Variants in PPFIA2 observed in about 807,000 individuals in gnomAD.
PPFIA2 encodes the protein liprin-alpha-2.
Under a neutral mutation model 175.5 loss-of-function variants are expected in PPFIA2, and 46 were observed. The observed-to-expected ratio is 0.26, with a 90% CI of 0.21 to 0.34. The LOEUF is 0.34. PPFIA2 is among the 10% of genes least tolerant of loss of function. The pLI is 1.00. For missense variants in PPFIA2, 1,179 were observed against 1,506.1 expected (o/e 0.78, Z 3.60); for synonymous variants, 568 against 511.4 (o/e 1.11, Z -1.49).
At chr12:81,571,188 A>G (rs908017738) in intron 4 of PPFIA2, among the ~76,000 whole-genome samples, 4 of 152,078 alleles carry the variant, frequency 2.6e-5, no homozygotes, top group Non-Finnish European at 4.4e-5. Flanking sequence ...TCTTGCGTAA[A>G]ATGCTTTAAA....
chr12:81,605,474 A>G (rs11114931), intron 4 of PPFIA2, among the ~76,000 whole-genome samples: 41,686 of 151,680 alleles, frequency 0.27, 6,209 homozygotes, highest in African/African-American at 0.38. Flanking sequence ...GCATGGTAGC[A>G]TTACACGATA....
At chr12:81,314,962 C>T (rs961015743) in intron 22 of PPFIA2, among the ~76,000 whole-genome samples, 5 of 151,336 alleles carry the variant, frequency 3.3e-5, no homozygotes, top group Admixed American at 6.6e-5. Context: ...GGGAGAATTC[C>T]GCACAAAATG....
chr12:81,424,679 C>T (rs909652457), intron 7 of PPFIA2, among the ~76,000 whole-genome samples: 1 of 152,100 alleles, frequency 6.6e-6, no homozygotes, highest in African/African-American at 2.4e-5. Flanking sequence ...GATGTGAGAC[C>T]AAGTTTTCTT....
At chr12:81,729,919 G>A (rs2080638223) in intron 3 of PPFIA2, among the ~76,000 whole-genome samples, 1 of 151,560 alleles carries the variant, frequency 6.6e-6, no homozygotes, top group African/African-American at 2.4e-5. Context: ...ATTGAATTCA[G>A]CCAACAAGTG....
intron 4 of PPFIA2, among the ~76,000 whole-genome samples, chr12:81,615,567 A>C (rs531713912): frequency 9.4e-4 from 143 of 152,310 alleles, no homozygotes; most frequent in East Asian, 7.7e-4. Context: ...AGCAGTGTGA[A>C]CTAAATTGCT....
rs1438902949 is a variant in PPFIA2, at chr12:81,756,883, A to G, written c.-3+1517T>C. Among the ~76,000 whole-genome samples the G allele has an allele frequency of 5.3e-5, 8 of 152,338 alleles. No individual in the cohort carries two copies. In the East Asian group the frequency reaches 1.5e-3, roughly 29 times the overall value. On this transcript the variant is annotated intron_variant, in intron 2 of 32. Transcript: ENST00000549396. ...TTTGAACTCTTCAAATCCAATTTAT[A>G]AAAATCAAATTATGCAAAATTTACT...
At chr12:81,415,281 T>G (rs1304750179) in intron 7 of PPFIA2, among the ~76,000 whole-genome samples, 1 of 110,224 alleles carries the variant, frequency 9.1e-6, no homozygotes, top group South Asian at 3.2e-4. Context: ...TTTTACTACA[T>G]AAAATACTTC....
chr12:81,650,910 G>A (rs1213712034), intron 4 of PPFIA2, among the ~76,000 whole-genome samples: 1 of 152,212 alleles, frequency 6.6e-6, no homozygotes, highest in African/African-American at 2.4e-5. Context: ...TCTCCAGGCA[G>A]AAATAGAACA....
At chr12:81,419,296 A>T (rs2045856918) in intron 7 of PPFIA2, among the ~76,000 whole-genome samples, 1 of 152,102 alleles carries the variant, frequency 6.6e-6, no homozygotes, top group South Asian at 2.1e-4. Flanking sequence ...TAAAGTAATG[A>T]TGTTTGCAAC....
intron 4 of PPFIA2, among the ~76,000 whole-genome samples, chr12:81,620,124 C>T (rs1378634032): frequency 3.8e-5 from 5 of 130,812 alleles, no homozygotes; most frequent in Non-Finnish European, 7.8e-5. Context: ...CGCGCCACTG[C>T]ACTCCAGCCT....
At chr12:81,709,105 T>A (rs1474301179) in intron 3 of PPFIA2, among the ~76,000 whole-genome samples, 2 of 152,142 alleles carry the variant, frequency 1.3e-5, no homozygotes, top group Non-Finnish European at 2.9e-5. Flanking sequence ...CTCTCATCTT[T>A]CTTATTGTTC....
At chr12:81,278,729 G>A (rs2041265744) in intron 27 of PPFIA2, among the ~76,000 whole-genome samples, 1 of 151,860 alleles carries the variant, frequency 6.6e-6, no homozygotes, top group African/African-American at 2.4e-5. Flanking sequence ...AAAATGAGAA[G>A]GTTTAGTGAC....
At chr12:81,372,241 A>G (rs1401789000) in intron 11 of PPFIA2, among the ~76,000 whole-genome samples, 1 of 151,654 alleles carries the variant, frequency 6.6e-6, no homozygotes, top group Admixed American at 6.6e-5. Flanking sequence ...TTTTGAGAAC[A>G]TGAATAACCT....
chr12:81,701,352 T>C (rs2076454080), intron 3 of PPFIA2, among the ~76,000 whole-genome samples: 1 of 152,120 alleles, frequency 6.6e-6, no homozygotes, highest in African/African-American at 2.4e-5. Context: ...GTCAAACTGA[T>C]TCATGCATTT....
intron 8 of PPFIA2, among the ~76,000 whole-genome samples, chr12:81,389,676 A>T (rs1005783301): frequency 6.6e-6 from 1 of 152,064 alleles, no homozygotes; most frequent in Admixed American, 6.6e-5. Context: ...TTAGAAAAAG[A>T]TCTTGTTTTT....
At chr12:81,364,339 C>T (rs2032305864) in intron 14 of PPFIA2, among the ~76,000 whole-genome samples, 1 of 151,690 alleles carries the variant, frequency 6.6e-6, no homozygotes, top group South Asian at 2.1e-4. Flanking sequence ...TTTTACTCTG[C>T]ATGAGATAGG....
intron 5 of PPFIA2, among the ~76,000 whole-genome samples, chr12:81,449,960 G>A (rs926169301): frequency 6.6e-6 from 1 of 151,964 alleles, no homozygotes; most frequent in Non-Finnish European, 1.5e-5. Flanking sequence ...CCCTACAAAG[G>A]ACATGGACTC....
chr12:81,466,318 T>TG (rs2055617969), intron 4 of PPFIA2, among the ~76,000 whole-genome samples: 1 of 152,190 alleles, frequency 6.6e-6, no homozygotes, highest in African/African-American at 2.4e-5. Flanking sequence ...CATGGTGACT[T>TG]GGGGGATGCA....
chr12:81,695,659 A>G (rs2075814447), intron 3 of PPFIA2, among the ~76,000 whole-genome samples: 1 of 152,200 alleles, frequency 6.6e-6, no homozygotes, highest in Non-Finnish European at 1.5e-5. Flanking sequence ...AAAACAATAT[A>G]AATTATTTCC....
Sources: allele counts gnomAD v4.1 joint callset (sites outside exome capture counted in the v4.1 genomes callset), GRCh38; gene constraint gnomAD v4.1.1; transcripts MANE v1.5; gene names NCBI Gene and HGNC (gene_info 2026-07-23, HGNC 2026-07-21).